Variants in DCDC2 observed in about 807,000 individuals in gnomAD.
The protein encoded by DCDC2 is doublecortin domain containing 2.
In DCDC2, 40 loss-of-function variants were observed where a neutral mutation model predicts 50.2. The ratio of observed to expected loss-of-function variants is 0.80; its 90% CI spans 0.62 to 1.04. The LOEUF (loss-of-function observed/expected upper bound fraction) is 1.04. Ranked by LOEUF, DCDC2 falls within the 50% of genes least tolerant of loss-of-function variation. The pLI is 0.00. For missense variants in DCDC2, 570 were observed against 581.9 expected, an observed-to-expected ratio of 0.98 and a Z score of 0.21; for synonymous variants, 234 against 210.6, an observed-to-expected ratio of 1.11 and a Z score of -0.96.
intron 2 of DCDC2, among the ~76,000 whole-genome samples, chr6:24,320,970 A>C (rs1400641974): frequency 2.6e-5 from 4 of 151,832 alleles, no homozygotes; most frequent in Admixed American, 6.6e-5. Context: ...AAAAAAAAAA[A>C]AAAACAGCAG....
intron 7 of DCDC2, among the ~76,000 whole-genome samples, chr6:24,234,039 A>G (rs912858330): frequency 4.6e-5 from 7 of 152,136 alleles, no homozygotes; most frequent in African/African-American, 1.4e-4. Context: ...ATGCAGATAG[A>G]TTATGCACAA....
chr6:24,192,174 C>A (rs1170662499), intron 8 of DCDC2, among the ~76,000 whole-genome samples: 1 of 152,182 alleles, frequency 6.6e-6, no homozygotes, highest in Non-Finnish European at 1.5e-5. Context: ...GGGGACTATA[C>A]TGAAACAGAG....
intron 8 of DCDC2, among the ~76,000 whole-genome samples, chr6:24,188,544 ATATTT>A (rs1238581529): frequency 2.0e-5 from 3 of 152,270 alleles, no homozygotes; most frequent in East Asian, 1.9e-4. Flanking sequence ...AGGTTTTTTT[ATATTT>A]TATATTTTTA....
intron 7 of DCDC2, among the ~76,000 whole-genome samples, chr6:24,206,967 A>C (rs569097211): frequency 5.3e-5 from 8 of 152,192 alleles, no homozygotes; most frequent in Non-Finnish European, 7.4e-5. Context: ...ATCAGAAAGG[A>C]ATTCATAAGA....
At chr6:24,314,644 T>C (rs1759629783) in intron 2 of DCDC2, among the ~76,000 whole-genome samples, 1 of 152,100 alleles carries the variant, frequency 6.6e-6, no homozygotes, top group African/African-American at 2.4e-5. Context: ...CTCATAACTG[T>C]TTAAAAAAAT....
intron 7 of DCDC2, among the ~76,000 whole-genome samples, chr6:24,241,897 T>G (rs1561903427): frequency 6.6e-6 from 1 of 152,168 alleles, no homozygotes. Flanking sequence ...TCAGGCCAGG[T>G]GTCGTGGCTC....
At chr6:24,213,233 T>A (rs1291955006) in intron 7 of DCDC2, among the ~76,000 whole-genome samples, 1 of 152,302 alleles carries the variant, frequency 6.6e-6, no homozygotes, top group African/African-American at 2.4e-5. Flanking sequence ...ACTAATATCA[T>A]AATGTCCAGT....
intron 2 of DCDC2, among the ~76,000 whole-genome samples, chr6:24,340,849 C>G (rs958403443): frequency 1.3e-5 from 2 of 152,184 alleles, no homozygotes; most frequent in African/African-American, 4.8e-5. Context: ...CCTCAGCCTC[C>G]CGAGTAGCTG....
At chr6:24,321,807 T>C (rs528773872) in intron 2 of DCDC2, among the ~76,000 whole-genome samples, 1 of 152,332 alleles carries the variant, frequency 6.6e-6, no homozygotes, top group East Asian at 1.9e-4. Context: ...GAGACGTTTG[T>C]TTCTCCTTTG....
At chr6:24,203,358 C>T (rs191274048) in intron 8 of DCDC2, among the ~76,000 whole-genome samples, 1 of 152,114 alleles carries the variant, frequency 6.6e-6, no homozygotes, top group Admixed American at 6.6e-5. Flanking sequence ...TGATCTTTGA[C>T]AAACCTGACA....
intron 7 of DCDC2, among the ~76,000 whole-genome samples, chr6:24,215,694 A>G (rs1311786498): frequency 6.6e-6 from 1 of 152,170 alleles, no homozygotes; most frequent in African/African-American, 2.4e-5. Context: ...AAAGCAATGA[A>G]ATGGGAAACA....
intron 8 of DCDC2, among the ~76,000 whole-genome samples, chr6:24,203,601 C>T (rs371579089): frequency 3.3e-5 from 5 of 151,742 alleles, no homozygotes; most frequent in Middle Eastern, 3.4e-3. Context: ...GAATAAAACA[C>T]CAAAAGCAAT....
In DCDC2 at chr6:24,180,086, T is replaced by C. The variant is rs562513269; in HGVS notation, c.1024-1454A>G. On this transcript the variant is annotated intron_variant, in intron 8 of 9. Transcript: ENST00000378454. ...GGCTGTTACCTAACTTTGGTGAGTT[T>C]CAGATTCCCCATTTGTAAAATGGGA... Among the ~76,000 whole-genome samples, 5 of 152,172 alleles carry C rather than the reference T, an allele frequency of 3.3e-5. No individual in the cohort carries two copies. The East Asian group carries it at 5.8e-4, about 18-fold the overall frequency.
At position 24,338,387 on chromosome 6, in the gene DCDC2, A is replaced by G. The variant is rs569481315; in HGVS notation, c.348+15182T>C. On this transcript the variant is annotated intron_variant, in intron 2 of 9. Transcript: ENST00000378454. ...AACAACTGTATTCCCTGTCTTCACG[A>G]AAGGGAATGCCATCTATCCAGTAGC... Among the ~76,000 whole-genome samples the G allele has an allele frequency of 6.6e-5, 10 of 152,276 alleles. No individual in the cohort carries two copies. In the East Asian group the frequency reaches 1.9e-3, roughly 29 times the overall value.
chr6:24,278,024 C>T, intron 7 of DCDC2, 25 bp downstream of exon 7: 1 of 1,569,334 alleles, frequency 6.4e-7, no homozygotes, highest in Non-Finnish European at 8.7e-7. Flanking sequence ...GTATCACAGC[C>T]TTAAGATAAT....
chr6:24,292,307 AT>A (rs1487118487), intron 4 of DCDC2, among the ~76,000 whole-genome samples: 5 of 151,892 alleles, frequency 3.3e-5, no homozygotes, highest in Admixed American at 2.0e-4. Context: ...CTGTCTTCCT[AT>A]ATTACATAAT....
At chr6:24,371,149 T>G in the DCDC2 span, among the ~76,000 whole-genome samples, 1 of 151,368 alleles carries the variant, frequency 6.6e-6, no homozygotes, top group Non-Finnish European at 1.5e-5. Context: ...TGGCGGTGTG[T>G]GCCTGCAATC....
chr6:24,276,716 C>T (rs776816014), intron 7 of DCDC2, among the ~76,000 whole-genome samples: 42 of 151,994 alleles, frequency 2.8e-4, no homozygotes, highest in African/African-American at 8.7e-4. Context: ...AATAGGCACT[C>T]GGTAAATATT....
chr6:24,250,009 C>T (rs72830843), intron 7 of DCDC2, among the ~76,000 whole-genome samples: 1 of 152,080 alleles, frequency 6.6e-6, no homozygotes. Context: ...TAGGCACTGA[C>T]GAGAGCAGTA....
Sources: gnomAD v4.1 joint callset for allele counts (sites outside exome capture counted in the v4.1 genomes callset) on GRCh38, gnomAD v4.1.1 for gene constraint, MANE v1.5 for transcripts, NCBI Gene and HGNC (gene_info 2026-07-23, HGNC 2026-07-21) for gene names.